The following LPP variants were observed in gnomAD, a reference collection of about 807,000 sequenced individuals.
The protein encoded by LPP is LIM domain containing preferred translocation partner in lipoma.
In LPP, 38 loss-of-function variants were observed where a neutral mutation model predicts 60.4. The observed-to-expected ratio is 0.63, with a 90% CI of 0.49 to 0.83. The LOEUF (loss-of-function observed/expected upper bound fraction) is 0.83, where lower values mean the gene tolerates loss of function less well. Among genes scored for constraint, LPP ranks in the 40% least tolerant of loss-of-function variants. The probability of loss-of-function intolerance (pLI) is 0.00; values close to 1 mark genes in which losing one functional copy is unlikely to be tolerated. For missense variants in LPP, 902 were observed against 783.6 expected, an observed-to-expected ratio of 1.15 and a Z score of -1.80; for synonymous variants, 328 against 290.8, an observed-to-expected ratio of 1.13 and a Z score of -1.30.
intron 9 of LPP, 127 bp downstream of exon 9, chr3:188,760,409 G>GGGGTGTGTGTGTGTGTGT (rs1553836222): frequency 1.0e-5 from 6 of 602,710 alleles, no homozygotes; most frequent in Non-Finnish European, 1.5e-5. Context: ...GTGTGTGTGG[G>GGGGTGTGTGTGTGTGTGT]GTGTGTGTGT....
At chr3:188,343,919 A>T (rs886697988) in intron 3 of LPP, among the ~76,000 whole-genome samples, 30 of 152,224 alleles carry the variant, frequency 2.0e-4, no homozygotes, top group African/African-American at 7.2e-4. Context: ...ATGTGTCAAC[A>T]GGTACCCACT....
chr3:188,685,590 C>A (rs1452326298), intron 7 of LPP, among the ~76,000 whole-genome samples: 1 of 152,142 alleles, frequency 6.6e-6, no homozygotes, highest in Non-Finnish European at 1.5e-5. Context: ...GGCAAGAATG[C>A]CTTCCATCCA....
rs955044743 is a variant in LPP at position 188,874,924 on chromosome 3, G to A, written c.*445G>A. The stretch of plus-strand genomic sequence containing the variant: ...TCCGTTTTGCCTGTGACTGTAAAGA[G>A]TAGCCATTCTTTTCCCATGTATTGA... On this transcript the variant is annotated 3_prime_UTR_variant, in exon 12 of 12. Coordinates refer to ENST00000617246, the MANE Select transcript of LPP (RefSeq NM_001375462.1). 6 of 231,948 alleles carry A rather than the reference G, an allele frequency of 2.6e-5. No homozygotes were observed. The highest frequency in any genetic ancestry group is 1.1e-4 in the African/African-American group (5 of 45,144). The allele number at this position is 231,948 out of a possible 1,614,324, so 14.4% of individuals were successfully genotyped here.
intron 6 of LPP, among the ~76,000 whole-genome samples, chr3:188,541,057 A>G (rs1333295250): frequency 6.6e-6 from 1 of 152,198 alleles, no homozygotes; most frequent in Non-Finnish European, 1.5e-5. Context: ...TAAGTGAACA[A>G]CCTTCACTTA....
chr3:188,545,032 C>T (rs1339508766), intron 6 of LPP, among the ~76,000 whole-genome samples: 5 of 81,206 alleles, frequency 6.2e-5, no homozygotes, highest in Admixed American at 5.5e-4. Flanking sequence ...CATATTCTCA[C>T]TCATAGGTGG....
chr3:188,291,216 G>A (rs895829972), intron 2 of LPP, among the ~76,000 whole-genome samples: 2 of 152,282 alleles, frequency 1.3e-5, no homozygotes, highest in Admixed American at 1.3e-4. Flanking sequence ...GCCTGTGTGT[G>A]TATGTGTGCG....
intron 4 of LPP, among the ~76,000 whole-genome samples, chr3:188,471,025 C>A (rs996847156): frequency 2.6e-5 from 4 of 152,160 alleles, no homozygotes; most frequent in Non-Finnish European, 5.9e-5. Context: ...CTTGTCAAAT[C>A]TTGGGAGGCT....
At chr3:188,353,032 T>C (rs1304820368) in intron 3 of LPP, among the ~76,000 whole-genome samples, 13 of 152,210 alleles carry the variant, frequency 8.5e-5, no homozygotes, top group Admixed American at 5.9e-4. Flanking sequence ...CTCTGAACCC[T>C]TTTCTGACCT....
chr3:188,278,411 C>T (rs555955833), intron 2 of LPP, among the ~76,000 whole-genome samples: 2 of 152,272 alleles, frequency 1.3e-5, no homozygotes, highest in Admixed American at 1.3e-4. Context: ...GTGCTCTGTC[C>T]TCACCTCTTC....
Position 188,746,361 on chromosome 3 carries a change from C to A in LPP, c.1241-13752C>A, listed in dbSNP as rs558225427. ...TGTTGTAACAGGGGGCAGAAAAACA[C>A]GCTGAATAGATGAAAGGAACAATCT... On this transcript the variant is annotated intron_variant, in intron 8 of 11. Transcript: ENST00000617246. 5 of 435,176 alleles carry A rather than the reference C, an allele frequency of 1.1e-5. No homozygotes were observed. In the East Asian group the frequency reaches 2.4e-4, roughly 21 times the overall value. 27.0% of individuals were successfully genotyped at this position (435,176 alleles called of 1,614,324 possible).
chr3:188,414,600 A>T (rs1025402631), intron 4 of LPP, among the ~76,000 whole-genome samples: 3 of 152,210 alleles, frequency 2.0e-5, no homozygotes, highest in Non-Finnish European at 4.4e-5. Flanking sequence ...TATAAACTGT[A>T]AAATTCTAGA....
At chr3:188,456,024 C>G (rs1797659821) in intron 4 of LPP, among the ~76,000 whole-genome samples, 1 of 152,164 alleles carries the variant, frequency 6.6e-6, no homozygotes, top group Admixed American at 6.5e-5. Context: ...TCTCGAGTAG[C>G]TGGGACTATT....
chr3:188,156,349 A>G (rs938016188), intron 1 of LPP, among the ~76,000 whole-genome samples: 5 of 152,204 alleles, frequency 3.3e-5, no homozygotes, highest in South Asian at 2.1e-4. Flanking sequence ...AGACAGTTCC[A>G]GGAAATGATG....
chr3:188,510,681 T>C (rs1445706051), intron 5 of LPP, among the ~76,000 whole-genome samples: 1 of 152,240 alleles, frequency 6.6e-6, no homozygotes, highest in Non-Finnish European at 1.5e-5. Flanking sequence ...TGACCACAGC[T>C]GACCCTTTGA....
intron 3 of LPP, among the ~76,000 whole-genome samples, chr3:188,398,275 G>C (rs926386980): frequency 2.0e-5 from 3 of 152,198 alleles, no homozygotes; most frequent in South Asian, 2.1e-4. Context: ...CTAATCTTTA[G>C]TGTACAGATA....
chr3:188,355,009 G>GT (rs1054165272), intron 3 of LPP, among the ~76,000 whole-genome samples: 4 of 152,028 alleles, frequency 2.6e-5, no homozygotes, highest in Non-Finnish European at 4.4e-5. Context: ...ATTTTTGTTT[G>GT]TTTTTTCTTT....
chr3:188,563,474 G>T (rs2378396), intron 6 of LPP, among the ~76,000 whole-genome samples: 2 of 149,030 alleles, frequency 1.3e-5, no homozygotes, highest in Non-Finnish European at 3.0e-5. Flanking sequence ...GTGTGTGTGT[G>T]TGTGTGTGTG....
intron 3 of LPP, among the ~76,000 whole-genome samples, chr3:188,369,986 T>C (rs572289104): frequency 6.6e-6 from 1 of 152,338 alleles, no homozygotes; most frequent in East Asian, 1.9e-4. Context: ...TGGAGTGCAG[T>C]GGCAGGATCT....
chr3:188,607,372 T>TAGATAG (rs1209897503), intron 6 of LPP, among the ~76,000 whole-genome samples: 25 of 4,774 alleles, frequency 5.2e-3, no homozygotes, highest in African/African-American at 0.016. Flanking sequence ...AAATAGAAGA[T>TAGATAG]ATATATATAT....
Sources: gnomAD v4.1 joint callset for allele counts (sites outside exome capture counted in the v4.1 genomes callset) on GRCh38, gnomAD v4.1.1 for gene constraint, MANE v1.5 for transcripts, NCBI Gene and HGNC (gene_info 2026-07-23, HGNC 2026-07-21) for gene names.